SPRED2: variants seen among roughly 807,000 people sequenced by gnomAD.
The protein encoded by SPRED2 is sprouty-related, EVH1 domain-containing protein 2.
SPRED2 carries 47 observed loss-of-function variants against 43.0 expected under a neutral mutation model. The ratio of observed to expected loss-of-function variants is 1.09; its 90% confidence interval spans 0.87 to 1.40. The LOEUF (loss-of-function observed/expected upper bound fraction) is 1.40. Among genes scored for constraint, SPRED2 ranks in the 40% most tolerant of loss-of-function variants. The pLI, the probability that SPRED2 is intolerant of heterozygous loss-of-function variation, is 0.00. For missense variants in SPRED2, 561 were observed against 586.4 expected (o/e 0.96, Z 0.45); for synonymous variants, 225 against 225.7 (o/e 1.00, Z 0.03).
At position 65,312,943 on chromosome 2, in the gene SPRED2, T is replaced by TA; in HGVS notation, c.*557dup. ...ATATTGTTTTGTGGTACAAGTTTGT[T>TA]AACTAGCTCACCTCCTATACATAAT... On this transcript the variant is annotated 3_prime_UTR_variant, in exon 6 of 6. Transcript: ENST00000356388. The TA allele has an allele frequency of 1.0e-6, 1 of 985,842 alleles. No individual in the cohort carries two copies. The highest frequency in any genetic ancestry group is 1.7e-5 in the African/African-American group (1 of 57,368). The allele number at this position is 985,842 out of a possible 1,614,324, so 61.1% of individuals were successfully genotyped here.
rs548096938 is a variant in SPRED2, at chr2:65,317,241, G to A, written c.439-358C>T. On this transcript the variant is annotated intron_variant, in intron 4 of 5. Transcript: ENST00000356388. ...AAGAATGGTTACCCTGGCCAGGCGC[G>A]GGGGCTCATGCCTGTAATCCCAGCA... Among the ~76,000 whole-genome samples the A allele has an allele frequency of 8.5e-5, 13 of 152,294 alleles. No individual in the cohort carries two copies. In the East Asian group the frequency reaches 2.1e-3, roughly 25 times the overall value.
intron 1 of SPRED2, among the ~76,000 whole-genome samples, chr2:65,373,143 T>C (rs2104343840): frequency 6.6e-6 from 1 of 152,368 alleles, no homozygotes; most frequent in East Asian, 1.9e-4. Context: ...AAATTTATTC[T>C]ATTGAGAGGC....
chr2:65,313,649 C>A lies in SPRED2; in HGVS notation c.1109G>T (p.Ser370Ile). The A allele has an allele frequency of 1.9e-6, 3 of 1,614,216 alleles. No homozygotes were observed. Among genetic ancestry groups the A allele is most frequent in the Non-Finnish European group, 2.5e-6 (3 of 1,180,040 alleles). The change falls in exon 6 of 6, where the codon AGC (serine) becomes ATC (isoleucine). Residue 370 changes from serine to isoleucine, a missense_variant. Transcript: ENST00000356388. ...DYTDPCSCDT[S>I]DEKFCLRWMA... is the part of the protein sequence containing the mutation. Reference sequence around the variant, plus strand: ...CCACCGGAGGCAAAACTTCTCGTCGCTAGTATCGCACGAGCAAGGGTCTGT... The same window carrying A: ...CCACCGGAGGCAAAACTTCTCGTCGATAGTATCGCACGAGCAAGGGTCTGT...
chr2:65,322,294 A>ATATATAT (rs1350932295), intron 4 of SPRED2, among the ~76,000 whole-genome samples: 4 of 64,936 alleles, frequency 6.2e-5, no homozygotes, highest in African/African-American at 7.1e-5. Flanking sequence ...ATATATATAT[A>ATATATAT]TTTTTTTTTT....
chr2:65,335,782 A>G (rs548506787), intron 2 of SPRED2, among the ~76,000 whole-genome samples: 2 of 152,238 alleles, frequency 1.3e-5, no homozygotes, highest in Non-Finnish European at 2.9e-5. Context: ...ATTATAGAAA[A>G]GAAACATTGC....
At chr2:65,341,402 A>C (rs931799426) in intron 2 of SPRED2, among the ~76,000 whole-genome samples, 3 of 152,170 alleles carry the variant, frequency 2.0e-5, no homozygotes, top group Non-Finnish European at 4.4e-5. Flanking sequence ...AGGATAGTGC[A>C]ATCTGTGTAC....
At chr2:65,403,221 C>G (rs551099462) in intron 1 of SPRED2, among the ~76,000 whole-genome samples, 1 of 152,146 alleles carries the variant, frequency 6.6e-6, no homozygotes, top group Non-Finnish European at 1.5e-5. Flanking sequence ...TTAAATATTT[C>G]CAGAAGGGGT....
intron 1 of SPRED2, among the ~76,000 whole-genome samples, chr2:65,408,525 G>A (rs1378795029): frequency 1.3e-5 from 2 of 151,898 alleles, no homozygotes; most frequent in South Asian, 4.1e-4. Context: ...CCCTTCCAAT[G>A]TCTGTATGTA....
At chr2:65,310,606 G>C (rs1484447969), downstream of SPRED2, among the ~76,000 whole-genome samples, 1 of 152,112 alleles carries the variant, frequency 6.6e-6, no homozygotes, top group African/African-American at 2.4e-5. Context: ...CTAGGAAGAG[G>C]GGGTGTTCCT....
At position 65,349,295 on chromosome 2, in the gene SPRED2, C is replaced by T. The variant is rs553386150; in HGVS notation, c.27-4399G>A. On this transcript the variant is annotated intron_variant, in intron 1 of 5. Coordinates refer to ENST00000356388, the MANE Select transcript of SPRED2 (RefSeq NM_181784.3). ...AGCAGAGATCAGCCTGGCGACACAG[C>T]AAGACTCTGTCTCAAAAAAAAAAAA... is the stretch of plus-strand genomic sequence containing the variant. 3.2e-5 allele frequency among the ~76,000 whole-genome samples: 3 copies of T among 93,216 alleles called. No homozygotes were observed. The East Asian group carries it at 1.2e-3, about 38-fold the overall frequency. The allele number at this position is 93,216 out of a possible 152,430, so 61.2% of individuals were successfully genotyped here.
rs542435939 is a variant in SPRED2, at chr2:65,389,192, G to A, written c.26+42770C>T. Reference sequence around the variant, plus strand: ...CAATTCTCCCTTGTTCTCACCCCAAGAGATGCCTCATTTCCTCTTCCAGAG... The same window carrying A: ...CAATTCTCCCTTGTTCTCACCCCAAAAGATGCCTCATTTCCTCTTCCAGAG... On this transcript the variant is annotated intron_variant, in intron 1 of 5. Transcript: ENST00000356388. Among the ~76,000 whole-genome samples, 10 of 151,090 alleles carry A rather than the reference G, an allele frequency of 6.6e-5. No homozygotes were observed. The South Asian group carries it at 2.1e-3, about 32-fold the overall frequency.
intron 1 of SPRED2, among the ~76,000 whole-genome samples, chr2:65,355,586 T>C (rs993603431): frequency 2.0e-5 from 3 of 152,062 alleles, no homozygotes; most frequent in Admixed American, 6.6e-5. Flanking sequence ...GGCATGGTGG[T>C]GGACACCTGT....
At chr2:65,389,398 G>A (rs1362240819) in intron 1 of SPRED2, among the ~76,000 whole-genome samples, 1 of 152,148 alleles carries the variant, frequency 6.6e-6, no homozygotes, top group Non-Finnish European at 1.5e-5. Context: ...GGGTGTGTTG[G>A]GGGAGGAAGG....
chr2:65,356,542 T>G (rs1240773077), intron 1 of SPRED2, among the ~76,000 whole-genome samples: 14 of 135,676 alleles, frequency 1.0e-4, no homozygotes, highest in African/African-American at 3.9e-4. Context: ...CCCTCTTTTT[T>G]TTTTTTTTTT....
intron 1 of SPRED2, among the ~76,000 whole-genome samples, chr2:65,364,223 C>A (rs1674903894): frequency 6.6e-6 from 1 of 152,242 alleles, no homozygotes; most frequent in Middle Eastern, 3.4e-3. Flanking sequence ...AAAAGAAAAC[C>A]CAGGGAGGAA....
rs538001145 is a variant in SPRED2, at chr2:65,336,212, G to A, written c.205-1439C>T. 1.9e-4 allele frequency among the ~76,000 whole-genome samples: 29 copies of A among 152,104 alleles called. No homozygotes were observed. The South Asian group carries it at 6.0e-3, about 32-fold the overall frequency. ...TCTAACTAAAATACAAAAATTAGCT[G>A]GGTGTGGTGGCACACATCTGTAGTC... On this transcript the variant is annotated intron_variant, in intron 2 of 5. Coordinates refer to ENST00000356388, the MANE Select transcript of SPRED2 (RefSeq NM_181784.3).
chr2:65,308,272 G>C (rs1409390137), downstream of SPRED2: 9 of 980,812 alleles, frequency 9.2e-6, no homozygotes, highest in Non-Finnish European at 1.1e-5. Context: ...CACTGAGCAG[G>C]ACCCTGCCCT....
chr2:65,337,524 G>T (rs747303311), intron 2 of SPRED2, among the ~76,000 whole-genome samples: 1 of 152,076 alleles, frequency 6.6e-6, no homozygotes. Context: ...CCTCTCTGTC[G>T]AGTTCCCCAC....
chr2:65,423,013 TA>T lies in SPRED2; in HGVS notation c.26+8948del, dbSNP rs1229062084. ...GACTATAGTCACACTTACGCTGCTTTAAAAGATCTATAAAAATGAGTAAAAT... is the reference window on the plus strand; with the variant it reads ...GACTATAGTCACACTTACGCTGCTTTAAAGATCTATAAAAATGAGTAAAAT... On this transcript the variant is annotated intron_variant, in intron 1 of 5. Coordinates refer to ENST00000356388, the MANE Select transcript of SPRED2 (RefSeq NM_181784.3). 2.0e-5 allele frequency among the ~76,000 whole-genome samples: 3 copies of T among 152,250 alleles called. No homozygotes were observed. The East Asian group carries it at 5.8e-4, about 29-fold the overall frequency.
Sources: allele counts gnomAD v4.1 joint callset (sites outside exome capture counted in the v4.1 genomes callset), GRCh38; gene constraint gnomAD v4.1.1; transcripts MANE v1.5; gene names NCBI Gene and HGNC (gene_info 2026-07-23, HGNC 2026-07-21).